TUSC3: variants seen among roughly 807,000 people sequenced by gnomAD.
TUSC3 encodes tumor suppressor candidate 3, also known as dolichyl-diphosphooligosaccharide--protein glycosyltransferase subunit TUSC3.
In TUSC3, 45 loss-of-function variants were observed where a neutral mutation model predicts 44.8. The ratio of observed to expected loss-of-function variants is 1.00; its 90% CI spans 0.79 to 1.29. The LOEUF is 1.29. Ranked by LOEUF, TUSC3 falls within the 50% of genes most tolerant of loss-of-function variation. TUSC3 has a pLI of 0.00. For synonymous variants in TUSC3, 212 were observed against 152.9 expected (o/e 1.39, Z -2.85); for missense variants, 519 against 437.9 (o/e 1.19, Z -1.65).
At chr8:15,561,869 A>T (rs1585102983) in intron 1 of TUSC3, among the ~76,000 whole-genome samples, 1 of 152,010 alleles carries the variant, frequency 6.6e-6, no homozygotes, top group Non-Finnish European at 1.5e-5. Flanking sequence ...CGGCTGGCGC[A>T]CGGTGTGCGC....
chr8:15,685,871 T>G (rs1808606577), intron 6 of TUSC3, among the ~76,000 whole-genome samples: 1 of 143,334 alleles, frequency 7.0e-6, no homozygotes, highest in Admixed American at 7.1e-5. Flanking sequence ...TTTTTTTTTT[T>G]GAAAAATTAG....
rs1375126192 is a variant in TUSC3 at position 15,466,871 on chromosome 8, G to C, written n.92-16515G>C. Among the ~76,000 whole-genome samples the C allele has an allele frequency of 2.0e-5, 3 of 152,178 alleles. No individual in the cohort carries two copies. In the East Asian group the frequency reaches 5.8e-4, roughly 29 times the overall value. On this transcript the variant is annotated intron_variant and non_coding_transcript_variant, in intron 1 of 5. Coordinates refer to the TUSC3 transcript ENST00000503191. ...TGTTCCACTGTTAATTGCTCACTCA[G>C]AGGGCCATTGATAATTGAATATTGT...
intron 1 of TUSC3, among the ~76,000 whole-genome samples, chr8:15,441,135 A>G (rs1800015527): frequency 6.6e-6 from 1 of 152,268 alleles, no homozygotes; most frequent in African/African-American, 2.4e-5. Context: ...GGCCAGGCAC[A>G]GTGGCTCACG....
chr8:15,489,406 A>G (rs902423427), intron 2 of TUSC3, among the ~76,000 whole-genome samples: 7 of 152,174 alleles, frequency 4.6e-5, no homozygotes, highest in African/African-American at 1.4e-4. Context: ...CTTAGAGAAA[A>G]TAGATGGCAG....
intron 1 of TUSC3, among the ~76,000 whole-genome samples, chr8:15,608,610 TG>T (rs1042023129): frequency 2.6e-5 from 4 of 152,168 alleles, no homozygotes; most frequent in African/African-American, 9.7e-5. Context: ...GATTGGATTA[TG>T]GGGGTGGTTT....
the TUSC3 span, among the ~76,000 whole-genome samples, chr8:15,785,716 C>T: frequency 1.3e-5 from 2 of 152,096 alleles, no homozygotes; most frequent in African/African-American, 2.4e-5. Context: ...TAATGGGCCT[C>T]ACGTGGAGCT....
chr8:15,723,281 A>G (rs1414869825), intron 6 of TUSC3, among the ~76,000 whole-genome samples: 7 of 152,222 alleles, frequency 4.6e-5, no homozygotes, highest in Non-Finnish European at 8.8e-5. Context: ...TGCAACTTCC[A>G]GTGAAAAGAG....
rs780467794 is a variant in TUSC3, at chr8:15,560,877, GT to G, written c.138+20310del. On this transcript the variant is annotated intron_variant, in intron 1 of 10. Transcript: ENST00000503731. ...CATCAGCTCCTTTAAGCACTTCTCT[GT>G]ATTGGTTATTCTAGTTATACATTCT... is the stretch of plus-strand genomic sequence containing the variant. Among the ~76,000 whole-genome samples the G allele has an allele frequency of 9.1e-3, 575 of 63,282 alleles. 7 individuals are homozygous for G. Among genetic ancestry groups the G allele is most frequent in the Middle Eastern group, 0.017 (3 of 172 alleles). 41.5% of individuals were successfully genotyped at this position (63,282 alleles called of 152,430 possible). A position where few individuals can be genotyped will look rare whatever the true frequency, so the allele number is the denominator to read the frequency against.
At chr8:15,523,706 G>GTATATATATATATA (rs1554509643) in intron 2 of TUSC3, among the ~76,000 whole-genome samples, 5 of 112,856 alleles carry the variant, frequency 4.4e-5, no homozygotes, top group Non-Finnish European at 7.0e-5. Context: ...GTGTGTGTGT[G>GTATATATATATATA]TGTATATATA....
At chr8:15,486,112 G>T (rs1205603937) in intron 2 of TUSC3, among the ~76,000 whole-genome samples, 1 of 152,140 alleles carries the variant, frequency 6.6e-6, no homozygotes, top group African/African-American at 2.4e-5. Flanking sequence ...GTCTTTAAGT[G>T]AATTGAATAA....
chr8:15,635,113 T>G (rs1806006889), intron 2 of TUSC3, among the ~76,000 whole-genome samples: 1 of 152,140 alleles, frequency 6.6e-6, no homozygotes, highest in Non-Finnish European at 1.5e-5. Flanking sequence ...TGGTTGAGTT[T>G]CCTCAAGGTA....
intron 10 of TUSC3, 106 bp downstream of exon 10, chr8:15,757,961 A>T (rs1434672130): frequency 2.0e-6 from 3 of 1,506,352 alleles, no homozygotes; most frequent in African/African-American, 2.8e-5. Context: ...CTGTTTTACA[A>T]ATGTAAGATA....
At chr8:15,468,228 A>T (rs867264433) in intron 1 of TUSC3, among the ~76,000 whole-genome samples, 87 of 152,314 alleles carry the variant, frequency 5.7e-4, no homozygotes, top group Middle Eastern at 3.4e-3. Flanking sequence ...AAGAGGACAG[A>T]TGCCCTGGTG....
At chr8:15,640,062 T>C (rs1806294600) in intron 2 of TUSC3, among the ~76,000 whole-genome samples, 1 of 152,218 alleles carries the variant, frequency 6.6e-6, no homozygotes, top group Non-Finnish European at 1.5e-5. Flanking sequence ...TGGGAATTTT[T>C]CCACCATTAC....
At chr8:15,611,034 C>G (rs1804740015) in intron 1 of TUSC3, among the ~76,000 whole-genome samples, 1 of 152,184 alleles carries the variant, frequency 6.6e-6, no homozygotes. Context: ...ATTAGAATAA[C>G]TTAATTTCTC....
At chr8:15,504,184 G>A (rs756725514) in intron 2 of TUSC3, among the ~76,000 whole-genome samples, 21 of 152,148 alleles carry the variant, frequency 1.4e-4, no homozygotes, top group Admixed American at 9.2e-4. Flanking sequence ...AGACTGCCTG[G>A]GTTCAAATGC....
At chr8:15,611,876 G>T (rs1385897853) in intron 1 of TUSC3, among the ~76,000 whole-genome samples, 1 of 152,194 alleles carries the variant, frequency 6.6e-6, no homozygotes, top group Non-Finnish European at 1.5e-5. Context: ...TTTTAAGATC[G>T]AATTTCCAAC....
the TUSC3 span, among the ~76,000 whole-genome samples, chr8:15,845,249 C>T: frequency 6.6e-6 from 1 of 152,076 alleles, no homozygotes; most frequent in African/African-American, 2.4e-5. Context: ...TGTTCTGCTC[C>T]AACCAGGTAG....
At chr8:15,544,833 CTTAGG>C (rs1277083702) in intron 1 of TUSC3, among the ~76,000 whole-genome samples, 1 of 151,724 alleles carries the variant, frequency 6.6e-6, no homozygotes, top group African/African-American at 2.4e-5. Flanking sequence ...TGTGATTTCA[CTTAGG>C]TTAGATTGTA....
Sources: allele counts gnomAD v4.1 joint callset (sites outside exome capture counted in the v4.1 genomes callset), GRCh38; gene constraint gnomAD v4.1.1; transcripts MANE v1.5; gene names NCBI Gene and HGNC (gene_info 2026-07-23, HGNC 2026-07-21).